The following MRTFB variants were observed in gnomAD, a reference collection of about 807,000 sequenced individuals.
MRTFB encodes the protein myocardin related transcription factor B, also known as myocardin-related transcription factor B.
A neutral mutation model predicts 104.2 loss-of-function variants in MRTFB; 29 were observed. The observed-to-expected ratio is 0.28, with a 90% CI of 0.21 to 0.38. The LOEUF (loss-of-function observed/expected upper bound fraction) is 0.38, where lower values mean the gene tolerates loss of function less well. Among genes scored for constraint, MRTFB ranks in the 10% least tolerant of loss-of-function variants. The pLI, the probability that MRTFB is intolerant of heterozygous loss-of-function variation, is 1.00. For missense variants in MRTFB, 1,270 were observed against 1,341.6 expected (o/e 0.95, Z 0.83); for synonymous variants, 535 against 519.5 (o/e 1.03, Z -0.41).
chr16:14,179,533 C>T (rs542567164), intron 3 of MRTFB, among the ~76,000 whole-genome samples: 1 of 152,256 alleles, frequency 6.6e-6, no homozygotes, highest in Non-Finnish European at 1.5e-5. Context: ...CATCTTCGGA[C>T]TCGGGAAATT....
intron 8 of MRTFB, among the ~76,000 whole-genome samples, chr16:14,230,004 T>C (rs1007410984): frequency 6.6e-6 from 1 of 152,156 alleles, no homozygotes; most frequent in Non-Finnish European, 1.5e-5. Flanking sequence ...TTAAACCTAT[T>C]TATATTTTAA....
intron 2 of MRTFB, among the ~76,000 whole-genome samples, chr16:14,128,430 C>T (rs910903936): frequency 5.3e-5 from 8 of 152,166 alleles, no homozygotes; most frequent in African/African-American, 1.7e-4. Context: ...CTTTGATGAC[C>T]TATGATGTTA....
chr16:14,208,662 T>C lies in MRTFB; in HGVS notation c.155-1581T>C, dbSNP rs1277658017. ...CTTAAATGCAGACAAGCATTTACTTTAGCATTCCTAGAAGAATGTTAAAGT... is the reference window on the plus strand; with the variant it reads ...CTTAAATGCAGACAAGCATTTACTTCAGCATTCCTAGAAGAATGTTAAAGT... On this transcript the variant is annotated intron_variant, in intron 3 of 16. Coordinates refer to ENST00000571589, the MANE Select transcript of MRTFB (RefSeq NM_001308142.2). Among the ~76,000 whole-genome samples, 4 of 152,316 alleles carry C rather than the reference T, an allele frequency of 2.6e-5. 1 individual carries two copies. The highest frequency in any genetic ancestry group is 9.6e-5 in the African/African-American group (4 of 41,576).
At chr16:14,256,479 T>C (rs921651966) in intron 15 of MRTFB, among the ~76,000 whole-genome samples, 2 of 152,168 alleles carry the variant, frequency 1.3e-5, no homozygotes, top group African/African-American at 2.4e-5. Flanking sequence ...GACTAAGTCA[T>C]AAAAGGCATG....
chr16:14,047,625 A>T, the MRTFB span, among the ~76,000 whole-genome samples: 1 of 152,226 alleles, frequency 6.6e-6, no homozygotes, highest in East Asian at 1.9e-4. Context: ...CATGTCTTAC[A>T]TGGCAGCAGG....
the MRTFB span, among the ~76,000 whole-genome samples, chr16:14,060,933 T>G: frequency 3.3e-5 from 5 of 151,716 alleles, no homozygotes; most frequent in Admixed American, 2.6e-4. Context: ...GATCAGGAGG[T>G]CAGGAGATCG....
chr16:14,109,902 A>C (rs1399989236), intron 2 of MRTFB, among the ~76,000 whole-genome samples: 1 of 152,230 alleles, frequency 6.6e-6, no homozygotes, highest in Non-Finnish European at 1.5e-5. Context: ...TTTGCCAGGG[A>C]ACCATACACA....
At chr16:14,135,736 A>G (rs1345463246) in intron 2 of MRTFB, among the ~76,000 whole-genome samples, 2 of 152,206 alleles carry the variant, frequency 1.3e-5, no homozygotes, top group African/African-American at 2.4e-5. Context: ...AATCAATCAT[A>G]TCACTGGTTT....
At chr16:14,095,616 G>A (rs1461933589) in intron 2 of MRTFB, among the ~76,000 whole-genome samples, 1 of 152,142 alleles carries the variant, frequency 6.6e-6, no homozygotes, top group South Asian at 2.1e-4. Context: ...AACTACATCA[G>A]GCATCATTTC....
the MRTFB span, among the ~76,000 whole-genome samples, chr16:14,064,886 T>C: frequency 6.6e-6 from 1 of 152,214 alleles, no homozygotes; most frequent in South Asian, 2.1e-4. Context: ...TTGAAGTCAG[T>C]AATGTGATGC....
intron 8 of MRTFB, among the ~76,000 whole-genome samples, chr16:14,227,546 C>G (rs9937738): frequency 0.055 from 8,384 of 152,136 alleles, 726 homozygotes; most frequent in African/African-American, 0.18. Flanking sequence ...GAGTCTTGCT[C>G]TGTTGCCCAG....
intron 3 of MRTFB, among the ~76,000 whole-genome samples, chr16:14,196,632 A>G (rs998592948): frequency 1.3e-5 from 2 of 152,214 alleles, no homozygotes; most frequent in Non-Finnish European, 2.9e-5. Flanking sequence ...TCATCAGAAA[A>G]TAGTCTTAAT....
At chr16:14,110,289 C>G (rs2142151297) in intron 2 of MRTFB, among the ~76,000 whole-genome samples, 1 of 152,274 alleles carries the variant, frequency 6.6e-6, no homozygotes, top group South Asian at 2.1e-4. Flanking sequence ...ATGGCTGGTT[C>G]CCTGGTAGAG....
chr16:14,048,668 T>C, the MRTFB span, among the ~76,000 whole-genome samples: 10 of 152,350 alleles, frequency 6.6e-5, no homozygotes, highest in East Asian at 1.5e-3. Flanking sequence ...TCACATGATC[T>C]GATTCATGTC....
In MRTFB at chr16:14,247,209, C is replaced by G. The variant is rs1339111048; in HGVS notation, c.1949C>G (p.Ser650Cys). The change falls in exon 12 of 17, where the codon TCC (serine) becomes TGC (cysteine). Residue 650 changes from serine (S) to cysteine (C), a missense_variant. Physicochemically the swap from Ser to Cys is moderately radical, Grantham distance 112 (BLOSUM62 -1). Transcript: ENST00000571589. ...GCCTCACTCCCTGACTGCTCCAGCT[C>G]CAGGCAGCCCATCCCAGTAGCCAGC... The part of the protein sequence containing the change: ...DEASLPDCSS[S>C]RQPIPVASHA... 7.4e-6 allele frequency: 12 copies of G among 1,614,188 alleles called. No individual in the cohort carries two copies. Among genetic ancestry groups the G allele is most frequent in the Non-Finnish European group, 9.3e-6 (11 of 1,180,044 alleles).
upstream of MRTFB, among the ~76,000 whole-genome samples, chr16:14,067,623 T>C (rs924508663): frequency 3.9e-5 from 6 of 152,170 alleles, no homozygotes; most frequent in African/African-American, 1.4e-4. Flanking sequence ...GTCATATCTT[T>C]AAAAATATTT....
chr16:14,026,410 C>T, the MRTFB span, among the ~76,000 whole-genome samples: 1 of 152,122 alleles, frequency 6.6e-6, no homozygotes, highest in Non-Finnish European at 1.5e-5. Flanking sequence ...AAAATTAACT[C>T]AGAGCATAGA....
intron 2 of MRTFB, among the ~76,000 whole-genome samples, chr16:14,115,905 A>G (rs2036520057): frequency 6.6e-6 from 1 of 152,084 alleles, no homozygotes; most frequent in Admixed American, 6.6e-5. Context: ...GCTCTGGGCC[A>G]CCATTAGGAC....
At chr16:14,085,038 A>T (rs1329943353) in intron 2 of MRTFB, among the ~76,000 whole-genome samples, 1 of 152,226 alleles carries the variant, frequency 6.6e-6, no homozygotes, top group Non-Finnish European at 1.5e-5. Flanking sequence ...CCAGCTACTC[A>T]GGAGAGTGAG....
Sources: allele counts gnomAD v4.1 joint callset (sites outside exome capture counted in the v4.1 genomes callset), GRCh38; gene constraint gnomAD v4.1.1; transcripts MANE v1.5; gene names NCBI Gene and HGNC (gene_info 2026-07-23, HGNC 2026-07-21).